ANGPTL5: variants seen among roughly 807,000 people sequenced by gnomAD.
ANGPTL5 encodes angiopoietin-related protein 5.
A neutral mutation model predicts 39.4 loss-of-function variants in ANGPTL5; 34 were observed. That is an observed-to-expected ratio of 0.86 (90% CI 0.66 to 1.15). The LOEUF is 1.15. ANGPTL5 is among the 50% of genes most tolerant of loss of function. ANGPTL5 has a pLI of 0.00. For missense variants in ANGPTL5, 467 were observed against 457.5 expected (o/e 1.02, Z -0.19); for synonymous variants, 146 against 152.1 (o/e 0.96, Z 0.29).
intron 1 of ANGPTL5, among the ~76,000 whole-genome samples, chr11:101,913,510 C>T (rs1474761224): frequency 6.6e-6 from 1 of 152,192 alleles, no homozygotes; most frequent in African/African-American, 2.4e-5. Flanking sequence ...GGATGGCCCT[C>T]CTTTCAGGCT....
chr11:101,902,694 G>A lies in ANGPTL5; in HGVS notation c.467C>T (p.Thr156Ile). The change falls in exon 6 of 9, where the codon ACC (threonine) becomes ATC (isoleucine). Residue 156 changes from threonine (T) to isoleucine (I), a missense_variant. Thr to Ile is a moderately conservative substitution (Grantham distance 89, BLOSUM62 -1). Coordinates refer to ENST00000334289, the MANE Select transcript of ANGPTL5 (RefSeq NM_178127.5). Reference sequence around the variant, plus strand: ...CGGTGTTTTGGTGACAGAGCCAATGGTATCCTTAATATCAGTGCAATCTAA... The same window carrying A: ...CGGTGTTTTGGTGACAGAGCCAATGATATCCTTAATATCAGTGCAATCTAA... ...HGLDCTDIKD[T>I]IGSVTKTPSG... 1 of 1,611,102 alleles carries A rather than the reference G, an allele frequency of 6.2e-7. No individual in the cohort carries two copies. Among genetic ancestry groups the A allele is most frequent in the African/African-American group, 1.3e-5 (1 of 74,964 alleles).
At chr11:101,907,656 C>T (rs1002330368) in intron 2 of ANGPTL5, among the ~76,000 whole-genome samples, 158 bp downstream of exon 2, 1 of 152,040 alleles carries the variant, frequency 6.6e-6, no homozygotes, top group East Asian at 1.9e-4. Flanking sequence ...AGTTTAAATA[C>T]AGTAATATTA....
At position 101,900,522 on chromosome 11, in the gene ANGPTL5, C is replaced by A. The variant is rs149631024; in HGVS notation, c.569G>T (p.Gly190Val). The change falls in exon 7 of 9, where the codon GGT becomes GTT. Residue 190 changes from glycine to valine, a missense_variant. Coordinates refer to ENST00000334289, the MANE Select transcript of ANGPTL5 (RefSeq NM_178127.5). ...TCTTTTCTGTATCACAGTCCGTCCA[C>A]CTCCTCTGTAATCCATGTCACACAT... The part of the protein sequence containing the change: ...EVMCDMDYRG[G>V]GRTVIQKRID... 1.9e-6 allele frequency: 3 copies of A among 1,611,546 alleles called. No homozygotes were observed. Among genetic ancestry groups the A allele is most frequent in the South Asian group, 2.2e-5 (2 of 91,030 alleles).
intron 8 of ANGPTL5, among the ~76,000 whole-genome samples, 194 bp from the exon 9 acceptor site, chr11:101,891,792 C>G (rs1055432526): frequency 6.6e-6 from 1 of 152,136 alleles, no homozygotes; most frequent in Non-Finnish European, 1.5e-5. Context: ...CCCAACACAA[C>G]AGACATCTTT....
At chr11:101,915,106 G>A (rs57569155) in intron 1 of ANGPTL5, 30,421 of 912,348 alleles carry the variant, frequency 0.033, 636 homozygotes, top group African/African-American at 0.073. Flanking sequence ...TGCCATCGCC[G>A]CTACAGGCAC....
chr11:101,890,993 A>C lies in ANGPTL5; in HGVS notation c.*286T>G, dbSNP rs2137046902. 1 of 232,076 alleles carries C rather than the reference A, an allele frequency of 4.3e-6. No individual in the cohort carries two copies. Among genetic ancestry groups the C allele is most frequent in the East Asian group, 9.6e-5 (1 of 10,376 alleles). The allele number at this position is 232,076 out of a possible 1,614,324, so 14.4% of individuals were successfully genotyped here. ...TAAAAATGCTTCAAAGAAAAGGCAA[A>C]ATCCTTTAAAATCACTATAAATTTT... On this transcript the variant is annotated 3_prime_UTR_variant, in exon 9 of 9. Coordinates refer to ENST00000334289, the MANE Select transcript of ANGPTL5 (RefSeq NM_178127.5).
intron 8 of ANGPTL5, among the ~76,000 whole-genome samples, chr11:101,894,417 C>T (rs998932293): frequency 1.3e-5 from 2 of 152,196 alleles, no homozygotes; most frequent in African/African-American, 4.8e-5. Context: ...TGAAAAAACA[C>T]TAAACTTGTT....
chr11:101,915,551 A>T, intron 1 of ANGPTL5: 1 of 1,151,986 alleles, frequency 8.7e-7, no homozygotes, highest in Non-Finnish European at 1.2e-6. Flanking sequence ...TCCTTTAGCA[A>T]CTGTCGTGTC....
chr11:101,898,416 T>C (rs182855177), intron 7 of ANGPTL5, among the ~76,000 whole-genome samples: 17 of 152,274 alleles, frequency 1.1e-4, no homozygotes, highest in South Asian at 6.2e-4. Context: ...TTGTAGCAAT[T>C]GTGAATGGGA....
At chr11:101,905,195 T>C (rs891535083) in intron 4 of ANGPTL5, among the ~76,000 whole-genome samples, 3 of 152,348 alleles carry the variant, frequency 2.0e-5, no homozygotes, top group Admixed American at 1.3e-4. Flanking sequence ...TACCTCCTCC[T>C]TTGGCTCTTC....
chr11:101,910,842 T>G (rs1315990070), intron 1 of ANGPTL5, among the ~76,000 whole-genome samples: 1 of 152,100 alleles, frequency 6.6e-6, no homozygotes, highest in East Asian at 1.9e-4. Flanking sequence ...GTCCTTATTG[T>G]TTCTGGTCTT....
chr11:101,905,218 G>GC (rs1392756751), intron 4 of ANGPTL5, among the ~76,000 whole-genome samples: 10 of 152,122 alleles, frequency 6.6e-5, no homozygotes, highest in African/African-American at 2.4e-4. Flanking sequence ...CAAGTCATTG[G>GC]CCACACAAGT....
At position 101,916,223 on chromosome 11, in the gene ANGPTL5, A is replaced by G. The variant is rs571334534; in HGVS notation, c.-297T>C. ...CAGAGATGAGTGTCTTCTCTTTCCA[A>G]GTTAACTCTGTTTTCTTATCCCCTT... On this transcript the variant is annotated 5_prime_UTR_variant, in exon 1 of 9. Transcript: ENST00000334289. 1.3e-5 allele frequency: 2 copies of G among 152,290 alleles called. No individual in the cohort carries two copies. The highest frequency in any genetic ancestry group is 1.3e-4 in the Admixed American group (2 of 15,298). 9.4% of individuals were successfully genotyped at this position (152,290 alleles called of 1,614,324 possible). A position where few individuals can be genotyped will look rare whatever the true frequency, so the allele number is the denominator to read the frequency against.
rs1362014224 is a variant in ANGPTL5, at chr11:101,895,073, A to G, written c.662-9T>C. On this transcript the variant is annotated splice_polypyrimidine_tract_variant and intron_variant, in intron 7 of 8. Coordinates refer to ENST00000334289, the MANE Select transcript of ANGPTL5 (RefSeq NM_178127.5). The stretch of plus-strand genomic sequence containing the variant: ...TCCTAGCCAAAATTCTCCTGTAAAA[A>G]AAATGCTTTGTTTTAATATATTTTA... The G allele has an allele frequency of 6.5e-7, 1 of 1,546,476 alleles. No homozygotes were observed. Among genetic ancestry groups the G allele is most frequent in the East Asian group, 2.3e-5 (1 of 44,152 alleles).
intron 6 of ANGPTL5, among the ~76,000 whole-genome samples, chr11:101,902,230 G>C (rs570225863): frequency 6.6e-6 from 1 of 152,148 alleles, no homozygotes; most frequent in Non-Finnish European, 1.5e-5. Context: ...TTTTTAGTAA[G>C]CTCCAAGGCA....
intron 2 of ANGPTL5, 33 bp downstream of exon 2, chr11:101,907,781 T>G: frequency 7.2e-7 from 1 of 1,385,312 alleles, no homozygotes; most frequent in Non-Finnish European, 1.0e-6. Flanking sequence ...AATCATGCTT[T>G]CCTAGCTAAT....
chr11:101,907,127 G>C lies in ANGPTL5; in HGVS notation c.217C>G (p.Arg73Gly). ...CTACACATGAAATGTTTTTCTTCTC[G>C]TGTAATTTTAGTTTTAACATCACAT... The part of the protein sequence containing the change: ...ESCDVKTKIT[R>G]EEKHFMCRNL... Residue 73 changes from arginine (R) to glycine (G), a missense_variant, in exon 3 of 9, where the codon CGA (arginine) becomes GGA (glycine). Coordinates refer to ENST00000334289, the MANE Select transcript of ANGPTL5 (RefSeq NM_178127.5). The C allele has an allele frequency of 6.3e-7, 1 of 1,580,890 alleles. No individual in the cohort carries two copies. Among genetic ancestry groups the C allele is most frequent in the Admixed American group, 1.7e-5 (1 of 58,900 alleles).
chr11:101,894,846 T>A, intron 8 of ANGPTL5, 33 bp downstream of exon 8: 3 of 1,542,628 alleles, frequency 1.9e-6, no homozygotes, highest in Non-Finnish European at 2.7e-6. Context: ...ATAATTTAGA[T>A]CTGGATAATT....
At chr11:101,898,030 C>T (rs894675779) in intron 7 of ANGPTL5, among the ~76,000 whole-genome samples, 8 of 152,030 alleles carry the variant, frequency 5.3e-5, no homozygotes, top group Non-Finnish European at 1.0e-4. Context: ...TCAAGATCAG[C>T]CTGATCAACA....
Sources: gnomAD v4.1 joint callset for allele counts (sites outside exome capture counted in the v4.1 genomes callset) on GRCh38, gnomAD v4.1.1 for gene constraint, MANE v1.5 for transcripts, NCBI Gene and HGNC (gene_info 2026-07-23, HGNC 2026-07-21) for gene names.